PCDHGA4: variants seen among roughly 807,000 people sequenced by gnomAD.
PCDHGA4 encodes the protein protocadherin gamma subfamily A, 4.
PCDHGA4 carries 38 observed loss-of-function variants against 54.6 expected under a neutral mutation model. The ratio of observed to expected loss-of-function variants is 0.70; its 90% CI spans 0.54 to 0.91. The LOEUF (loss-of-function observed/expected upper bound fraction) is 0.91. Among genes scored for constraint, PCDHGA4 ranks in the 40% least tolerant of loss-of-function variants. PCDHGA4 has a pLI of 0.00. For synonymous variants in PCDHGA4, 511 were observed against 512.9 expected, an observed-to-expected ratio of 1.00 and a Z score of 0.05; for missense variants, 1,298 against 1,220.9, an observed-to-expected ratio of 1.06 and a Z score of -0.94.
intron 1 of PCDHGA4, chr5:141,478,109 T>G: frequency 1.2e-6 from 2 of 1,614,086 alleles, no homozygotes; most frequent in Non-Finnish European, 8.5e-7. Flanking sequence ...CCTCACTGTG[T>G]CAGTAACCGA....
chr5:141,436,555 G>A (rs562422182), intron 1 of PCDHGA4, among the ~76,000 whole-genome samples: 1 of 152,252 alleles, frequency 6.6e-6, no homozygotes, highest in South Asian at 2.1e-4. Flanking sequence ...TTGAGCTTCA[G>A]CAAAGTAGGA....
intron 1 of PCDHGA4, chr5:141,422,668 G>A: frequency 6.2e-7 from 1 of 1,607,686 alleles, no homozygotes; most frequent in Non-Finnish European, 8.5e-7. Context: ...CCTCGACCCG[G>A]ACAGCAAACA....
In PCDHGA4 at chr5:141,404,936, G is replaced by A. The variant is rs755365273; in HGVS notation, c.2514+47315G>A. ...TCTCTCGGCCACTGTCACGCTCACA[G>A]TAGCCATAGCTGACAGCATCCCAGA... is the stretch of plus-strand genomic sequence containing the variant. On this transcript the variant is annotated intron_variant, in intron 1 of 3. Coordinates refer to ENST00000571252, the MANE Select transcript of PCDHGA4 (RefSeq NM_018917.4). 1.9e-6 allele frequency: 3 copies of A among 1,613,858 alleles called. No individual in the cohort carries two copies. The South Asian group carries it at 3.3e-5, about 18-fold the overall frequency.
intron 1 of PCDHGA4, among the ~76,000 whole-genome samples, chr5:141,475,620 G>A (rs2154572702): frequency 6.6e-6 from 1 of 152,238 alleles, no homozygotes; most frequent in Admixed American, 6.5e-5. Flanking sequence ...TTTTCGGTTT[G>A]GTTCGATCCC....
At chr5:141,388,923 T>G (rs374663443) in intron 1 of PCDHGA4, 2 of 1,614,002 alleles carry the variant, frequency 1.2e-6, no homozygotes, top group Admixed American at 1.7e-5. Context: ...AGAAGTGATA[T>G]TCCAGTCTCT....
In PCDHGA4 at chr5:141,512,243, C is replaced by T. The variant is rs1205585993; in HGVS notation, c.*1070C>T. ...AGGTCCCCTTGAGAGGTCAGAGGGG[C>T]CTCTGTGGGTGCTGGGTACTCCAGA... On this transcript the variant is annotated 3_prime_UTR_variant, in exon 4 of 4. Transcript: ENST00000571252. 2 of 152,728 alleles carry T rather than the reference C, an allele frequency of 1.3e-5. No homozygotes were observed. The highest frequency in any genetic ancestry group is 1.5e-5 in the Non-Finnish European group (1 of 68,138). 9.5% of individuals were successfully genotyped at this position (152,728 alleles called of 1,614,324 possible).
intron 1 of PCDHGA4, among the ~76,000 whole-genome samples, chr5:141,445,011 T>C (rs970882082): frequency 1.3e-5 from 2 of 152,196 alleles, no homozygotes; most frequent in Non-Finnish European, 2.9e-5. Flanking sequence ...AATTAGGTCT[T>C]TAATTTCTCT....
At chr5:141,368,582 T>C (rs1765741936) in intron 1 of PCDHGA4, among the ~76,000 whole-genome samples, 1 of 152,032 alleles carries the variant, frequency 6.6e-6, no homozygotes, top group African/African-American at 2.4e-5. Flanking sequence ...TAGGGTAAGG[T>C]GTTTGGGAAA....
At chr5:141,418,458 TG>T in intron 1 of PCDHGA4, 1 of 1,614,010 alleles carries the variant, frequency 6.2e-7, no homozygotes, top group Non-Finnish European at 8.5e-7. Flanking sequence ...CAGAAGACTC[TG>T]GACCGAGAAA....
chr5:141,390,486 G>GT (rs2092161053), intron 1 of PCDHGA4: 4 of 649,376 alleles, frequency 6.2e-6, no homozygotes, highest in Non-Finnish European at 7.7e-6. Flanking sequence ...ACATTTGTTT[G>GT]TTTTTTAGCC....
At chr5:141,400,000 G>A (rs765622041) in intron 1 of PCDHGA4, 1 of 1,612,388 alleles carries the variant, frequency 6.2e-7, no homozygotes, top group Non-Finnish European at 8.5e-7. Context: ...GGTGCGCACA[G>A]CGCGTGCCTT....
intron 1 of PCDHGA4, chr5:141,418,673 G>A (rs2096279740): frequency 5.0e-6 from 8 of 1,614,026 alleles, no homozygotes; most frequent in Non-Finnish European, 6.8e-6. Context: ...CCAGGACGAG[G>A]GCATCAACTC....
chr5:141,455,466 A>G (rs1253494886), intron 1 of PCDHGA4, among the ~76,000 whole-genome samples: 1 of 152,164 alleles, frequency 6.6e-6, no homozygotes, highest in East Asian at 1.9e-4. Flanking sequence ...AGCCAGGTAT[A>G]TATGCAGAGG....
rs2099521625 is a variant in PCDHGA4, at chr5:141,480,568, G to A, written c.2515-14239G>A. 2.0e-5 allele frequency among the ~76,000 whole-genome samples: 3 copies of A among 152,338 alleles called. No individual in the cohort carries two copies. The South Asian group carries it at 6.2e-4, about 32-fold the overall frequency. Reference sequence around the variant, plus strand: ...AAAGGCTAAGAAAGCATGAAAGCCAGCAAGAAATAACTGCCGCTCTTCTGG... The same window carrying A: ...AAAGGCTAAGAAAGCATGAAAGCCAACAAGAAATAACTGCCGCTCTTCTGG... On this transcript the variant is annotated intron_variant, in intron 1 of 3. Coordinates refer to ENST00000571252, the MANE Select transcript of PCDHGA4 (RefSeq NM_018917.4).
In PCDHGA4 at chr5:141,487,522, T is replaced by C. The variant is rs764726787; in HGVS notation, c.2515-7285T>C. 2 of 1,614,166 alleles carry C rather than the reference T, an allele frequency of 1.2e-6. No individual in the cohort carries two copies. The highest frequency in any genetic ancestry group is 1.7e-6 in the Non-Finnish European group (2 of 1,180,022). ...TGGCTTCTGCACCCACTCGGAGTGATAGCTTCATGATGGTGAAGTCACCCA... is the reference window on the plus strand; with the variant it reads ...TGGCTTCTGCACCCACTCGGAGTGACAGCTTCATGATGGTGAAGTCACCCA... On this transcript the variant is annotated intron_variant, in intron 1 of 3. Coordinates refer to ENST00000571252, the MANE Select transcript of PCDHGA4 (RefSeq NM_018917.4). This position sits in a 1 kb window ranked among gnomAD's most constrained non-coding sequence, Gnocchi z 5.0.
At position 141,403,891 on chromosome 5, in the gene PCDHGA4, AT is replaced by A. The variant is rs757338627; in HGVS notation, c.2514+46274del. The A allele has an allele frequency of 3.1e-6, 5 of 1,613,870 alleles. No individual in the cohort carries two copies. In the Admixed American group the frequency reaches 6.7e-5, roughly 22 times the overall value. On this transcript the variant is annotated intron_variant, in intron 1 of 3. Transcript: ENST00000571252. Reference sequence around the variant, plus strand: ...AAAGTCTAGATTATGAAGAATGTTCATTTTATGAAATGGAAATACAAGCTGA... The same window carrying A: ...AAAGTCTAGATTATGAAGAATGTTCATTTATGAAATGGAAATACAAGCTGA...
At chr5:141,388,875 G>C in intron 1 of PCDHGA4, 1 of 1,614,024 alleles carries the variant, frequency 6.2e-7, no homozygotes, top group Non-Finnish European at 8.5e-7. Context: ...GCAATGCACA[G>C]TGGAGGTAGA....
chr5:141,374,354 G>C, intron 1 of PCDHGA4: 1 of 1,614,036 alleles, frequency 6.2e-7, no homozygotes, highest in East Asian at 2.2e-5. Context: ...GGGTAGGATA[G>C]ACCGCGAGGA....
intron 1 of PCDHGA4, chr5:141,410,823 C>CCAGACTGA (rs2095425464): frequency 2.1e-6 from 1 of 479,988 alleles, no homozygotes; most frequent in African/African-American, 2.5e-5. Flanking sequence ...AATAATGTCA[C>CCAGACTGA]CAGACTGAAG....
Sources: gnomAD v4.1 joint callset for allele counts (sites outside exome capture counted in the v4.1 genomes callset) on GRCh38, gnomAD v4.1.1 for gene constraint, Gnocchi (gnomAD v3.1) non-coding constraint, MANE v1.5 for transcripts, NCBI Gene and HGNC (gene_info 2026-07-23, HGNC 2026-07-21) for gene names.